Variants in ELMO1 observed in about 807,000 individuals in gnomAD.
ELMO1 encodes the protein engulfment and cell motility protein 1.
ELMO1 carries 26 observed loss-of-function variants against 98.9 expected under a neutral mutation model. The observed-to-expected ratio is 0.26, with a 90% CI of 0.19 to 0.36. The LOEUF is 0.36. ELMO1 is among the 10% of genes least tolerant of loss of function. The pLI is 1.00. For synonymous variants in ELMO1, 346 were observed against 346.0 expected, an observed-to-expected ratio of 1.00 and a Z score of 0.00; for missense variants, 627 against 935.2, an observed-to-expected ratio of 0.67 and a Z score of 4.30.
chr7:37,060,087 A>G (rs1796589088), intron 15 of ELMO1, among the ~76,000 whole-genome samples: 1 of 152,236 alleles, frequency 6.6e-6, no homozygotes, highest in Admixed American at 6.5e-5. Context: ...TAACAGTCCC[A>G]TGAGGTAAGA....
chr7:37,216,455 G>A (rs996388401), intron 11 of ELMO1, among the ~76,000 whole-genome samples, 190 bp downstream of exon 11: 2 of 151,996 alleles, frequency 1.3e-5, no homozygotes, highest in Non-Finnish European at 2.9e-5. Flanking sequence ...ATCCAATGAG[G>A]CAATTCCTGT....
Position 37,129,354 on chromosome 7 carries a change from G to A in ELMO1, c.1191+3776C>T, listed in dbSNP as rs548608852. Among the ~76,000 whole-genome samples, 16 of 152,286 alleles carry A rather than the reference G, an allele frequency of 1.1e-4. No individual in the cohort carries two copies. In the East Asian group the frequency reaches 3.1e-3, roughly 29 times the overall value. On this transcript the variant is annotated intron_variant, in intron 14 of 21. Transcript: ENST00000310758. Reference sequence around the variant, plus strand: ...AAGATAATATTGTGACAATACAGAAGAATGAATTGGAGGGAATAAGAATGC... The same window carrying A: ...AAGATAATATTGTGACAATACAGAAAAATGAATTGGAGGGAATAAGAATGC...
chr7:37,373,121 G>T (rs1802183415), intron 1 of ELMO1, among the ~76,000 whole-genome samples: 1 of 152,244 alleles, frequency 6.6e-6, no homozygotes, highest in African/African-American at 2.4e-5. Flanking sequence ...TCATGGTGCA[G>T]CAGGAGACGG....
chr7:37,416,582 G>A (rs1382340520), intron 1 of ELMO1, among the ~76,000 whole-genome samples: 27 of 152,100 alleles, frequency 1.8e-4, no homozygotes, highest in Admixed American at 1.2e-3. Flanking sequence ...TTAGATTCCC[G>A]CCCTAAAAGG....
intron 1 of ELMO1, among the ~76,000 whole-genome samples, chr7:37,416,312 C>A (rs888848743): frequency 6.6e-6 from 1 of 152,128 alleles, no homozygotes. Flanking sequence ...AGGTTTTAAC[C>A]GTATGGAAAA....
chr7:37,421,535 G>A (rs998079247), intron 1 of ELMO1, among the ~76,000 whole-genome samples: 1 of 152,202 alleles, frequency 6.6e-6, no homozygotes, highest in Non-Finnish European at 1.5e-5. Flanking sequence ...CTTTCCCTGT[G>A]AGGATAGTCC....
chr7:36,918,910 A>T (rs933116637), intron 16 of ELMO1, among the ~76,000 whole-genome samples: 8 of 151,980 alleles, frequency 5.3e-5, no homozygotes, highest in South Asian at 4.2e-4. Context: ...AAGGAAAAAT[A>T]TTTTTTTTCT....
intron 16 of ELMO1, among the ~76,000 whole-genome samples, chr7:36,947,393 C>T (rs1787586135): frequency 6.6e-6 from 1 of 152,134 alleles, no homozygotes; most frequent in South Asian, 2.1e-4. Flanking sequence ...TACTATTGCC[C>T]ACCAATAAAT....
At chr7:37,335,505 A>G (rs1361326929) in intron 2 of ELMO1, among the ~76,000 whole-genome samples, 3 of 152,226 alleles carry the variant, frequency 2.0e-5, no homozygotes, top group Non-Finnish European at 4.4e-5. Flanking sequence ...GCCACCCTAA[A>G]GAATCTGACT....
intron 5 of ELMO1, among the ~76,000 whole-genome samples, chr7:37,267,438 G>C (rs1281242247): frequency 2.0e-5 from 3 of 152,170 alleles, no homozygotes; most frequent in Admixed American, 6.5e-5. Flanking sequence ...AGCCATGCTT[G>C]GGCGCGCGCA....
chr7:37,338,655 G>A lies in ELMO1; in HGVS notation c.78+3958C>T, dbSNP rs146829693. Among the ~76,000 whole-genome samples the A allele has an allele frequency of 1.1e-4, 17 of 152,200 alleles. No homozygotes were observed. In the East Asian group the frequency reaches 2.5e-3, roughly 22 times the overall value. ...TGTTTGGGATTCCAGACTCTTGACC[G>A]AGAAACAAATACATTATTCAGGACA... On this transcript the variant is annotated intron_variant, in intron 2 of 21. Coordinates refer to ENST00000310758, the MANE Select transcript of ELMO1 (RefSeq NM_014800.11).
chr7:37,002,415 A>G (rs909979317), intron 16 of ELMO1, among the ~76,000 whole-genome samples: 4 of 152,250 alleles, frequency 2.6e-5, no homozygotes, highest in Admixed American at 2.0e-4. Flanking sequence ...GTGACCAGCC[A>G]TTCAATCTAT....
intron 14 of ELMO1, among the ~76,000 whole-genome samples, chr7:37,097,021 TC>T (rs1466691149): frequency 1.3e-5 from 2 of 152,230 alleles, no homozygotes; most frequent in African/African-American, 4.8e-5. Context: ...AAAGACTTTT[TC>T]ACTTCAGTGA....
intron 11 of ELMO1, among the ~76,000 whole-genome samples, chr7:37,215,151 C>T (rs1241007048): frequency 6.6e-6 from 1 of 152,154 alleles, no homozygotes; most frequent in Non-Finnish European, 1.5e-5. Flanking sequence ...TTATCTTTCC[C>T]GAAGAACTGG....
chr7:37,257,326 T>A (rs2717966), intron 6 of ELMO1, among the ~76,000 whole-genome samples: 28 of 151,950 alleles, frequency 1.8e-4, no homozygotes, highest in Non-Finnish European at 2.6e-4. Flanking sequence ...TGGTGGCTCA[T>A]GCCTGTAATC....
chr7:36,998,078 T>A (rs1447650127), intron 16 of ELMO1: 1 of 151,492 alleles, frequency 6.6e-6, no homozygotes, highest in Admixed American at 6.6e-5. Context: ...AAATATTGTT[T>A]AAGGAAAGGA....
intron 16 of ELMO1, among the ~76,000 whole-genome samples, chr7:36,934,161 T>C (rs1786294518): frequency 6.6e-6 from 1 of 152,118 alleles, no homozygotes; most frequent in Admixed American, 6.5e-5. Flanking sequence ...GATTGGGCCA[T>C]GATAGCAAGA....
intron 16 of ELMO1, among the ~76,000 whole-genome samples, chr7:36,945,584 TC>T (rs1787407483): frequency 6.6e-6 from 1 of 152,184 alleles, no homozygotes; most frequent in African/African-American, 2.4e-5. Context: ...TAAGAATGCC[TC>T]TGTTTTTCCA....
chr7:37,170,221 T>C (rs1191680485), intron 13 of ELMO1, among the ~76,000 whole-genome samples: 2 of 152,220 alleles, frequency 1.3e-5, no homozygotes, highest in Non-Finnish European at 2.9e-5. Context: ...CACATTTCTT[T>C]TCGTCTATTT....
Sources: allele counts gnomAD v4.1 joint callset (sites outside exome capture counted in the v4.1 genomes callset), GRCh38; gene constraint gnomAD v4.1.1; transcripts MANE v1.5; gene names NCBI Gene and HGNC (gene_info 2026-07-23, HGNC 2026-07-21).